CPT1A: variants seen among roughly 807,000 people sequenced by gnomAD.
The protein encoded by CPT1A is carnitine palmitoyltransferase 1A.
Under a neutral mutation model 100.8 loss-of-function variants are expected in CPT1A, and 64 were observed. That is an observed-to-expected ratio of 0.63 (90% CI 0.52 to 0.78). The LOEUF (loss-of-function observed/expected upper bound fraction) is 0.78. Ranked by LOEUF, CPT1A falls within the 30% of genes least tolerant of loss-of-function variation. The pLI is 0.00. For missense variants in CPT1A, 802 were observed against 1,034.1 expected (o/e 0.78, Z 3.08); for synonymous variants, 363 against 396.0 (o/e 0.92, Z 0.99).
chr11:68,782,000 G>C (rs1855326132), intron 10 of CPT1A, 41 bp from the exon 11 acceptor site: 7 of 1,554,608 alleles, frequency 4.5e-6, no homozygotes, highest in Non-Finnish European at 5.3e-6. Context: ...AGCCCGACCT[G>C]CAGCGATGGA....
At chr11:68,790,956 C>T (rs1265274346) in intron 9 of CPT1A, among the ~76,000 whole-genome samples, 3 of 151,862 alleles carry the variant, frequency 2.0e-5, no homozygotes, top group East Asian at 1.9e-4. Context: ...CCTGAGTAGC[C>T]GGGATTACAG....
At chr11:68,794,776 A>T (rs1855711394) in intron 8 of CPT1A, 28 bp downstream of exon 8, 2 of 1,555,466 alleles carry the variant, frequency 1.3e-6, no homozygotes, top group Non-Finnish European at 1.8e-6. Context: ...TTTGAAAATA[A>T]TTTTTTTAAA....
At chr11:68,831,780 C>T (rs188954291) in intron 1 of CPT1A, among the ~76,000 whole-genome samples, 4 of 151,940 alleles carry the variant, frequency 2.6e-5, no homozygotes, top group African/African-American at 7.2e-5. Context: ...ATTACAGGCA[C>T]GCACCACCAC....
chr11:68,832,617 A>T (rs960676660), intron 1 of CPT1A, among the ~76,000 whole-genome samples: 1 of 152,248 alleles, frequency 6.6e-6, no homozygotes, highest in Non-Finnish European at 1.5e-5. Flanking sequence ...AACCAAAATG[A>T]TGAGATTGCA....
chr11:68,810,830 C>T (rs1856180729), intron 3 of CPT1A, among the ~76,000 whole-genome samples: 1 of 151,932 alleles, frequency 6.6e-6, no homozygotes. Flanking sequence ...ACAAAACATA[C>T]AAAAATTAGC....
At position 68,793,305 on chromosome 11, in the gene CPT1A, C is replaced by G. The variant is rs764374582; in HGVS notation, c.967+10G>C. 4 of 1,604,542 alleles carry G rather than the reference C, an allele frequency of 2.5e-6. No homozygotes were observed. Among genetic ancestry groups the G allele is most frequent in the Non-Finnish European group, 3.4e-6 (4 of 1,174,300 alleles). Reference sequence around the variant, plus strand: ...GATTCTCCAGGGGGCCCTGAAGAAGCTTGACTCACCTGTCTCCTCTCCTGG... The same window carrying G: ...GATTCTCCAGGGGGCCCTGAAGAAGGTTGACTCACCTGTCTCCTCTCCTGG... On this transcript the variant is annotated intron_variant, in intron 9 of 18. Coordinates refer to ENST00000265641, the MANE Select transcript of CPT1A (RefSeq NM_001876.4).
chr11:68,761,321 A>G (rs563906331), intron 16 of CPT1A, among the ~76,000 whole-genome samples: 1 of 151,272 alleles, frequency 6.6e-6, no homozygotes, highest in Admixed American at 6.6e-5. Flanking sequence ...CTTCGGGTCT[A>G]TTAAGTCAGG....
At chr11:68,813,900 C>G (rs1856298164) in intron 2 of CPT1A, among the ~76,000 whole-genome samples, 1 of 152,182 alleles carries the variant, frequency 6.6e-6, no homozygotes, top group African/African-American at 2.4e-5. Flanking sequence ...CAAGAACCCA[C>G]AGGCTGAGCC....
intron 3 of CPT1A, among the ~76,000 whole-genome samples, chr11:68,809,139 C>T (rs1201596973): frequency 6.6e-6 from 1 of 152,018 alleles, no homozygotes; most frequent in African/African-American, 2.4e-5. Flanking sequence ...TTCTATAACC[C>T]GTGAAATCTA....
chr11:68,830,552 G>A (rs1856851009), intron 1 of CPT1A, among the ~76,000 whole-genome samples: 1 of 152,154 alleles, frequency 6.6e-6, no homozygotes, highest in Non-Finnish European at 1.5e-5. Flanking sequence ...CCCAGCCAAG[G>A]CTGCAACCCC....
chr11:68,778,621 G>A (rs1477866655), intron 12 of CPT1A, among the ~76,000 whole-genome samples: 3 of 151,482 alleles, frequency 2.0e-5, no homozygotes, highest in African/African-American at 4.8e-5. Flanking sequence ...ACTTGAACCG[G>A]GGAGGCAGAG....
At chr11:68,843,734 C>T (rs187874407), upstream of CPT1A, among the ~76,000 whole-genome samples, 4 of 152,344 alleles carry the variant, frequency 2.6e-5, no homozygotes, top group African/African-American at 9.6e-5. This position sits in a 1 kb window ranked among gnomAD's most constrained non-coding sequence, Gnocchi z 4.0. Flanking sequence ...GCACTCGACC[C>T]CCGCAGATTT....
At chr11:68,796,961 CGCAGGCTCAGCAGGGGCCAG>C (rs1292249503) in intron 6 of CPT1A, 28 bp from the exon 7 acceptor site, 2 of 1,611,798 alleles carry the variant, frequency 1.2e-6, no homozygotes, top group African/African-American at 2.7e-5. Flanking sequence ...CAGACAAACC[CGCAGGCTCAGCAGGGGCCAG>C]GCAGGCTCCC....
chr11:68,775,458 A>G, intron 12 of CPT1A, 26 bp from the exon 13 acceptor site: 1 of 1,528,390 alleles, frequency 6.5e-7, no homozygotes, highest in South Asian at 1.1e-5. Flanking sequence ...CAAAATTATT[A>G]AAACTAACAG....
chr11:68,763,006 T>C (rs548229709), intron 14 of CPT1A, among the ~76,000 whole-genome samples: 3 of 152,134 alleles, frequency 2.0e-5, no homozygotes, highest in Admixed American at 6.5e-5. Context: ...TACAGGTGCA[T>C]GCTAATTTTT....
chr11:68,831,882 C>T (rs554041851), intron 1 of CPT1A, among the ~76,000 whole-genome samples: 2 of 152,114 alleles, frequency 1.3e-5, no homozygotes, highest in Non-Finnish European at 2.9e-5. Context: ...ATCCGTCTGC[C>T]TTGGCCTCCT....
At chr11:68,828,968 C>G (rs1476563316) in intron 1 of CPT1A, among the ~76,000 whole-genome samples, 4 of 152,152 alleles carry the variant, frequency 2.6e-5, no homozygotes, top group African/African-American at 9.7e-5. Context: ...GCCAGCCCCC[C>G]AGGACTTTAG....
At chr11:68,796,986 G>C (rs570114898) in intron 6 of CPT1A, 53 bp from the exon 7 acceptor site, 2 of 1,584,356 alleles carry the variant, frequency 1.3e-6, no homozygotes, top group African/African-American at 2.7e-5. Context: ...GGCCAGGCAG[G>C]CTCCCTGGCA....
intron 10 of CPT1A, 78 bp downstream of exon 10, chr11:68,784,737 C>G: frequency 7.2e-7 from 1 of 1,395,156 alleles, no homozygotes; most frequent in Admixed American, 1.8e-5. Context: ...TCCCACAGGC[C>G]CTGGTGGGGA....
Sources: allele counts gnomAD v4.1 joint callset (sites outside exome capture counted in the v4.1 genomes callset), GRCh38; gene constraint gnomAD v4.1.1; non-coding constraint Gnocchi (gnomAD v3.1); transcripts MANE v1.5; gene names NCBI Gene and HGNC (gene_info 2026-07-23, HGNC 2026-07-21).